Variants in SORCS1 observed in about 807,000 individuals in gnomAD.
The protein encoded by SORCS1 is sortilin related VPS10 domain containing receptor 1, also known as VPS10 domain-containing receptor SorCS1.
A neutral mutation model predicts 146.1 loss-of-function variants in SORCS1; 60 were observed. The ratio of observed to expected loss-of-function variants is 0.41; its 90% CI spans 0.33 to 0.51. The LOEUF (loss-of-function observed/expected upper bound fraction) is 0.51. Ranked by LOEUF, SORCS1 falls within the 20% of genes least tolerant of loss-of-function variation. The probability of loss-of-function intolerance (pLI) is 0.21; values close to 1 mark genes in which losing one functional copy is unlikely to be tolerated. For synonymous variants in SORCS1, 637 were observed against 584.0 expected (o/e 1.09, Z -1.31); for missense variants, 1,352 against 1,487.6 (o/e 0.91, Z 1.50).
chr10:106,958,455 C>T (rs1161860656), intron 1 of SORCS1, among the ~76,000 whole-genome samples: 1 of 152,154 alleles, frequency 6.6e-6, no homozygotes, highest in South Asian at 2.1e-4. Context: ...ACTAGCACAG[C>T]GTTTGATTTA....
At chr10:106,750,968 A>G (rs1344678041) in intron 5 of SORCS1, among the ~76,000 whole-genome samples, 2 of 141,442 alleles carry the variant, frequency 1.4e-5, no homozygotes, top group Non-Finnish European at 1.5e-5. Flanking sequence ...CTGAGGCGGG[A>G]GAATGGCGTG....
chr10:106,996,568 T>C (rs1021093968), intron 1 of SORCS1, among the ~76,000 whole-genome samples: 1 of 152,168 alleles, frequency 6.6e-6, no homozygotes, highest in Non-Finnish European at 1.5e-5. Context: ...GAAAGTCAAA[T>C]GCACAAGTTC....
Position 106,579,479 on chromosome 10 carries a change from T to C in SORCS1, c.3266-5A>G. 2 of 1,612,958 alleles carry C rather than the reference T, an allele frequency of 1.2e-6. No homozygotes were observed. The highest frequency in any genetic ancestry group is 1.7e-4 in the Middle Eastern group (1 of 6,006). On this transcript the variant is annotated splice_region_variant and splice_polypyrimidine_tract_variant and intron_variant, in intron 24 of 25. Transcript: ENST00000263054. ...GAGTGAGGTCCACCAGGGGGGCTTG[T>C]GGGGGAAACAGAGCAGAGAAAAATG... is the stretch of plus-strand genomic sequence containing the variant.
intron 1 of SORCS1, among the ~76,000 whole-genome samples, chr10:106,970,905 A>T (rs913100967): frequency 4.1e-5 from 4 of 96,490 alleles, no homozygotes; most frequent in Admixed American, 1.2e-4. Context: ...TGCACAGCTA[A>T]TTTTTTTTTT....
At chr10:106,768,378 C>T (rs1368136246) in intron 4 of SORCS1, among the ~76,000 whole-genome samples, 1 of 152,144 alleles carries the variant, frequency 6.6e-6, no homozygotes, top group Non-Finnish European at 1.5e-5. Flanking sequence ...AACATGATGG[C>T]ATTAGGTAGA....
intron 2 of SORCS1, among the ~76,000 whole-genome samples, chr10:106,857,096 C>G (rs1408646720): frequency 2.6e-5 from 4 of 152,152 alleles, no homozygotes; most frequent in Non-Finnish European, 4.4e-5. Flanking sequence ...TCTAAGTGCC[C>G]TGAAAGCAGT....
At chr10:106,851,994 C>G (rs1192007473) in intron 2 of SORCS1, among the ~76,000 whole-genome samples, 1 of 152,024 alleles carries the variant, frequency 6.6e-6, no homozygotes, top group Non-Finnish European at 1.5e-5. Context: ...TCAAATTCTG[C>G]TTGTTTGTTA....
chr10:107,056,426 T>C (rs187420219), intron 1 of SORCS1, among the ~76,000 whole-genome samples: 1 of 152,330 alleles, frequency 6.6e-6, no homozygotes, highest in East Asian at 1.9e-4. Context: ...AGATATAATG[T>C]CCTTCTCTTG....
At chr10:106,928,042 A>T (rs1230729593) in intron 2 of SORCS1, among the ~76,000 whole-genome samples, 4 of 152,256 alleles carry the variant, frequency 2.6e-5, no homozygotes, top group African/African-American at 7.2e-5. Flanking sequence ...AGCTGGCTTC[A>T]CCCAGTGGAT....
At chr10:107,019,730 T>C (rs1958051106) in intron 1 of SORCS1, among the ~76,000 whole-genome samples, 1 of 152,272 alleles carries the variant, frequency 6.6e-6, no homozygotes, top group South Asian at 2.1e-4. Flanking sequence ...GCTGTACATT[T>C]ATTTCCAACA....
chr10:106,753,848 A>C (rs1407045958), intron 5 of SORCS1, among the ~76,000 whole-genome samples: 2 of 152,208 alleles, frequency 1.3e-5, no homozygotes, highest in Non-Finnish European at 2.9e-5. Context: ...CTGGAGGTAG[A>C]TTATAGCATA....
At position 106,637,369 on chromosome 10, in the gene SORCS1, G is replaced by C. The variant is rs1215983549; in HGVS notation, c.2476-7981C>G. 2.6e-5 allele frequency among the ~76,000 whole-genome samples: 4 copies of C among 152,050 alleles called. No homozygotes were observed. The East Asian group carries it at 5.8e-4, about 22-fold the overall frequency. ...GTCTGGTTTGAATCATGCTGTATAG[G>C]TGTTTCTTCACTTTCAAAACTGAGC... On this transcript the variant is annotated intron_variant, in intron 18 of 25. Coordinates refer to ENST00000263054, the MANE Select transcript of SORCS1 (RefSeq NM_052918.5).
chr10:106,584,914 T>C (rs1463990913), intron 24 of SORCS1, among the ~76,000 whole-genome samples: 1 of 152,180 alleles, frequency 6.6e-6, no homozygotes, highest in Admixed American at 6.5e-5. Flanking sequence ...GAATGACTTA[T>C]GGTTTTCTAA....
In SORCS1 at chr10:107,003,720, G is replaced by C. The variant is rs532125839; in HGVS notation, c.559-47140C>G. Among the ~76,000 whole-genome samples the C allele has an allele frequency of 8.5e-5, 13 of 152,232 alleles. No individual in the cohort carries two copies. In the South Asian group the frequency reaches 2.7e-3, roughly 32 times the overall value. On this transcript the variant is annotated intron_variant, in intron 1 of 25. Transcript: ENST00000263054. ...TCTGGCCTTGTGAAGGAGGCTGCCT[G>C]AGATGAAGGCATCTCACAGAGAAGA...
At chr10:107,103,253 AAAC>A (rs1367361379) in intron 1 of SORCS1, among the ~76,000 whole-genome samples, 1 of 152,180 alleles carries the variant, frequency 6.6e-6, no homozygotes, top group African/African-American at 2.4e-5. Flanking sequence ...ATTTCCCACA[AAAC>A]AACGTTAAGA....
chr10:107,127,957 T>C (rs886180604), intron 1 of SORCS1, among the ~76,000 whole-genome samples: 3 of 152,222 alleles, frequency 2.0e-5, no homozygotes, highest in African/African-American at 7.2e-5. Context: ...TGTAAATTGG[T>C]CACACTTATA....
At chr10:106,951,076 C>T (rs975856851) in intron 2 of SORCS1, among the ~76,000 whole-genome samples, 4 of 152,164 alleles carry the variant, frequency 2.6e-5, no homozygotes, top group African/African-American at 9.7e-5. Flanking sequence ...AGTCTATTTA[C>T]ATTATATCTG....
At chr10:107,056,415 T>C (rs575298802) in intron 1 of SORCS1, among the ~76,000 whole-genome samples, 1 of 152,280 alleles carries the variant, frequency 6.6e-6, no homozygotes, top group Non-Finnish European at 1.5e-5. Flanking sequence ...GTGCAAGACA[T>C]AGATATAATG....
intron 1 of SORCS1, among the ~76,000 whole-genome samples, chr10:107,099,689 C>G (rs1039874499): frequency 2.0e-5 from 3 of 151,976 alleles, no homozygotes; most frequent in Non-Finnish European, 4.4e-5. Context: ...AACTACTGAA[C>G]CAAGGAACCA....
Sources: gnomAD v4.1 joint callset for allele counts (sites outside exome capture counted in the v4.1 genomes callset) on GRCh38, gnomAD v4.1.1 for gene constraint, MANE v1.5 for transcripts, NCBI Gene and HGNC (gene_info 2026-07-23, HGNC 2026-07-21) for gene names.